The following ARHGAP32 variants were observed in gnomAD, a reference collection of about 807,000 sequenced individuals.
The protein encoded by ARHGAP32 is Rho GTPase activating protein 32.
A neutral mutation model predicts 186.5 loss-of-function variants in ARHGAP32; 51 were observed. The observed-to-expected ratio is 0.27, with a 90% CI of 0.22 to 0.35. ARHGAP32 has a LOEUF of 0.35. ARHGAP32 is among the 10% of genes least tolerant of loss of function. The pLI is 1.00. For synonymous variants in ARHGAP32, 950 were observed against 964.3 expected (o/e 0.99, Z 0.27); for missense variants, 2,186 against 2,623.5 (o/e 0.83, Z 3.64).
At chr11:128,989,721 C>T (rs148472646) in intron 12 of ARHGAP32, among the ~76,000 whole-genome samples, 1,740 of 151,940 alleles carry the variant, frequency 0.011, 33 homozygotes, top group African/African-American at 0.04. Context: ...GCCCCCCAAC[C>T]CCCCGAGAGG....
At chr11:129,087,407 G>A (rs952619168) in intron 6 of ARHGAP32, among the ~76,000 whole-genome samples, 1 of 152,192 alleles carries the variant, frequency 6.6e-6, no homozygotes, top group African/African-American at 2.4e-5. Context: ...ATATTTTTCA[G>A]TGCTAAAGTG....
intron 1 of ARHGAP32, among the ~76,000 whole-genome samples, chr11:129,264,938 G>A (rs974921265): frequency 1.2e-4 from 18 of 152,148 alleles, no homozygotes; most frequent in African/African-American, 4.3e-4. Context: ...GGGTTAGCAA[G>A]CCAGTACATG....
At chr11:129,096,551 CT>C (rs1208242305) in intron 5 of ARHGAP32, among the ~76,000 whole-genome samples, 1 of 152,010 alleles carries the variant, frequency 6.6e-6, no homozygotes, top group Non-Finnish European at 1.5e-5. Context: ...CCTGCCACCC[CT>C]ATAGCAGGCA....
chr11:129,038,308 AC>A (rs1231327717), intron 11 of ARHGAP32, among the ~76,000 whole-genome samples: 2 of 152,008 alleles, frequency 1.3e-5, no homozygotes, highest in Non-Finnish European at 2.9e-5. Context: ...CACCATACAC[AC>A]AAATTAACTT....
chr11:128,986,673 C>A lies in ARHGAP32; in HGVS notation c.1299-5G>T. 6.2e-7 allele frequency: 1 copy of A among 1,613,244 alleles called. No individual in the cohort carries two copies. Among genetic ancestry groups the A allele is most frequent in the Non-Finnish European group, 8.5e-7 (1 of 1,179,532 alleles). On this transcript the variant is annotated splice_polypyrimidine_tract_variant and splice_region_variant and intron_variant, in intron 13 of 22. Transcript: ENST00000682385. ...TGCTCAGAGTCAAATTCATGGCTGA[C>A]GTAGACAGAAGAGGACAAGCAAATC...
intron 1 of ARHGAP32, among the ~76,000 whole-genome samples, chr11:129,266,125 C>G (rs1223654397): frequency 6.6e-6 from 1 of 151,692 alleles, no homozygotes; most frequent in Non-Finnish European, 1.5e-5. Flanking sequence ...ACAAGTTATC[C>G]CAAAAAAAGG....
upstream of ARHGAP32, among the ~76,000 whole-genome samples, chr11:129,197,153 A>G (rs964610897): frequency 1.3e-5 from 2 of 152,198 alleles, no homozygotes; most frequent in African/African-American, 4.8e-5. Flanking sequence ...ATTTTGGTCC[A>G]CATTCCACTT....
chr11:129,035,425 T>C (rs1939290431), intron 11 of ARHGAP32, among the ~76,000 whole-genome samples: 1 of 152,226 alleles, frequency 6.6e-6, no homozygotes, highest in Admixed American at 6.5e-5. Flanking sequence ...CATCTAACAG[T>C]GACAGATGGC....
At chr11:129,092,782 T>C (rs1176292506) in intron 6 of ARHGAP32, among the ~76,000 whole-genome samples, 1 of 152,008 alleles carries the variant, frequency 6.6e-6, no homozygotes, top group East Asian at 1.9e-4. Flanking sequence ...ACATGATTAA[T>C]ACTTTTTGAG....
rs1177863265 is a variant in ARHGAP32, at chr11:129,150,933, T to TAA, written c.225+13384_225+13385dup. Among the ~76,000 whole-genome samples, 530 of 139,330 alleles carry TAA rather than the reference T, an allele frequency of 3.8e-3. 3 individuals carry two copies. The highest frequency in any genetic ancestry group is 0.015 in the Middle Eastern group (4 of 262). The allele number at this position is 139,330 out of a possible 152,430, so 91.4% of individuals were successfully genotyped here. On this transcript the variant is annotated intron_variant, in intron 2 of 22. Transcript: ENST00000682385. ...AAAGACAGAGAATGGCAGAATGAAT[T>TAA]AAAAAAAAAAAAAAAATTCCACCAA...
chr11:129,058,521 T>A (rs573624587), intron 10 of ARHGAP32, among the ~76,000 whole-genome samples: 24 of 152,328 alleles, frequency 1.6e-4, no homozygotes, highest in African/African-American at 5.1e-4. Context: ...ATGTATCTAC[T>A]ACACAAAGTG....
chr11:129,050,722 C>T (rs182194017), intron 10 of ARHGAP32, among the ~76,000 whole-genome samples: 6 of 152,246 alleles, frequency 3.9e-5, no homozygotes, highest in Admixed American at 6.5e-5. Flanking sequence ...TATACATGTG[C>T]CATGGTGGTC....
intron 2 of ARHGAP32, among the ~76,000 whole-genome samples, chr11:129,130,413 A>G (rs1159170605): frequency 2.6e-5 from 4 of 152,130 alleles, no homozygotes; most frequent in Non-Finnish European, 5.9e-5. Flanking sequence ...GTAAGTAGCA[A>G]GAAGCAAAAA....
At chr11:129,134,983 T>C (rs1047672112) in intron 2 of ARHGAP32, among the ~76,000 whole-genome samples, 3 of 152,212 alleles carry the variant, frequency 2.0e-5, no homozygotes, top group Non-Finnish European at 4.4e-5. Flanking sequence ...TATTCTGTTA[T>C]AGCAGCCAGA....
At chr11:128,980,022 C>T (rs746218641) in intron 18 of ARHGAP32, among the ~76,000 whole-genome samples, 15 of 152,188 alleles carry the variant, frequency 9.9e-5, no homozygotes, top group Non-Finnish European at 2.1e-4. Context: ...CTGGGTCCCA[C>T]GCCCAGGGTT....
intron 1 of ARHGAP32, among the ~76,000 whole-genome samples, chr11:129,276,792 A>G (rs10750407): frequency 1 from 151,979 of 152,348 alleles, 75,807 homozygotes; most frequent in Middle Eastern, 1. Flanking sequence ...CTGTAAGAAA[A>G]ACAATGCAAG....
intron 2 of ARHGAP32, among the ~76,000 whole-genome samples, chr11:129,132,151 T>G (rs1019554620): frequency 5.3e-5 from 8 of 152,154 alleles, no homozygotes; most frequent in Non-Finnish European, 7.3e-5. Context: ...AAAAGCAGTC[T>G]TGGAGAGCCA....
chr11:129,006,755 C>T (rs371797009), intron 11 of ARHGAP32, among the ~76,000 whole-genome samples: 1 of 152,268 alleles, frequency 6.6e-6, no homozygotes, highest in African/African-American at 2.4e-5. Context: ...TGTTCAAGGA[C>T]CTAGGACTGT....
At chr11:129,255,394 TG>T (rs1467956607) in intron 1 of ARHGAP32, among the ~76,000 whole-genome samples, 1 of 151,802 alleles carries the variant, frequency 6.6e-6, no homozygotes. Context: ...ACAGAAAAAA[TG>T]CAGATCTAAA....
Sources: gnomAD v4.1 joint callset for allele counts (sites outside exome capture counted in the v4.1 genomes callset) on GRCh38, gnomAD v4.1.1 for gene constraint, MANE v1.5 for transcripts, NCBI Gene and HGNC (gene_info 2026-07-23, HGNC 2026-07-21) for gene names.